The following LHFPL3 variants were observed in gnomAD, a reference collection of about 807,000 sequenced individuals.
LHFPL3 encodes the protein LHFPL tetraspan subfamily member 3.
In LHFPL3, 5 loss-of-function variants were observed where a neutral mutation model predicts 19.3. The observed-to-expected ratio is 0.26, with a 90% confidence interval of 0.14 to 0.54. The LOEUF (loss-of-function observed/expected upper bound fraction) is 0.54. LHFPL3 is among the 20% of genes least tolerant of loss of function. The pLI is 0.94. For missense variants in LHFPL3, 249 were observed against 307.4 expected (o/e 0.81, Z 1.42); for synonymous variants, 133 against 126.2 (o/e 1.05, Z -0.36).
rs368754347 is a variant in LHFPL3, at chr7:104,632,146, A to G, written c.446-104529A>G. Among the ~76,000 whole-genome samples the G allele has an allele frequency of 3.9e-5, 6 of 152,292 alleles. No individual in the cohort carries two copies. The South Asian group carries it at 8.3e-4, about 21-fold the overall frequency. On this transcript the variant is annotated intron_variant, in intron 1 of 2. Transcript: ENST00000424859. ...TGCAAAGAGACCAGGCTCAACCTTC[A>G]TATTTAGCCTATCCTTTAAATCATT...
intron 1 of LHFPL3, among the ~76,000 whole-genome samples, chr7:104,693,511 C>T (rs1349793015): frequency 6.6e-6 from 1 of 152,110 alleles, no homozygotes; most frequent in Non-Finnish European, 1.5e-5. Flanking sequence ...TTCCCCCATG[C>T]TGTTCTCATG....
chr7:104,885,093 C>T (rs2116694225), intron 2 of LHFPL3, among the ~76,000 whole-genome samples: 2 of 152,272 alleles, frequency 1.3e-5, no homozygotes, highest in South Asian at 4.1e-4. Context: ...GAAAACAGAC[C>T]CAGCCACTGA....
intron 1 of LHFPL3, among the ~76,000 whole-genome samples, chr7:104,717,309 C>T (rs1007810816): frequency 6.6e-6 from 1 of 152,042 alleles, no homozygotes; most frequent in Admixed American, 6.6e-5. Flanking sequence ...AAAAATGGGA[C>T]TACATCAAAC....
At chr7:104,750,908 A>G (rs1464350078) in intron 2 of LHFPL3, among the ~76,000 whole-genome samples, 12 of 151,720 alleles carry the variant, frequency 7.9e-5, no homozygotes, top group South Asian at 2.1e-4. Flanking sequence ...GACTAGCCCA[A>G]TGTTTTCCTT....
intron 2 of LHFPL3, among the ~76,000 whole-genome samples, chr7:104,870,736 C>T (rs1329987075): frequency 2.0e-5 from 3 of 152,160 alleles, no homozygotes; most frequent in East Asian, 3.8e-4. Context: ...CTCTGAGGTC[C>T]TGTGTGGCAT....
intron 1 of LHFPL3, among the ~76,000 whole-genome samples, chr7:104,365,815 C>T (rs1181051128): frequency 7.4e-6 from 1 of 135,156 alleles, no homozygotes; most frequent in Non-Finnish European, 1.6e-5. Flanking sequence ...AGAAAAGCCT[C>T]TTTCCAGCTA....
At chr7:104,339,594 C>T (rs1584597687) in intron 1 of LHFPL3, among the ~76,000 whole-genome samples, 1 of 152,214 alleles carries the variant, frequency 6.6e-6, no homozygotes, top group Non-Finnish European at 1.5e-5. Flanking sequence ...TCTTCTGCCT[C>T]CCAATGTAAC....
intron 1 of LHFPL3, among the ~76,000 whole-genome samples, chr7:104,452,668 C>T (rs914605040): frequency 2.0e-5 from 3 of 151,938 alleles, no homozygotes; most frequent in Admixed American, 6.6e-5. Context: ...TTCTTTCATC[C>T]TTTTATGTGT....
At chr7:104,498,077 A>G (rs917983514) in intron 1 of LHFPL3, among the ~76,000 whole-genome samples, 7 of 152,334 alleles carry the variant, frequency 4.6e-5, no homozygotes, top group Admixed American at 1.3e-4. Context: ...TTCTTTCTTA[A>G]GGCAGATCTA....
chr7:104,712,940 C>A (rs568110089), intron 1 of LHFPL3, among the ~76,000 whole-genome samples: 24 of 152,258 alleles, frequency 1.6e-4, no homozygotes, highest in South Asian at 4.1e-4. Flanking sequence ...AAAATCAAAT[C>A]CCTGTAAAGA....
intron 1 of LHFPL3, among the ~76,000 whole-genome samples, chr7:104,693,601 T>C (rs1366291459): frequency 6.6e-6 from 1 of 152,148 alleles, no homozygotes; most frequent in African/African-American, 2.4e-5. Context: ...TCTTCTCTGC[T>C]GCCCTGTGAA....
chr7:104,679,980 C>T (rs1411991387), intron 1 of LHFPL3, among the ~76,000 whole-genome samples: 2 of 152,162 alleles, frequency 1.3e-5, no homozygotes, highest in African/African-American at 4.8e-5. Flanking sequence ...CAACAAGGTT[C>T]AAATTTTTAT....
intron 1 of LHFPL3, among the ~76,000 whole-genome samples, chr7:104,425,947 A>C (rs1463056102): frequency 6.6e-6 from 1 of 152,192 alleles, no homozygotes; most frequent in East Asian, 1.9e-4. Flanking sequence ...TAAACTATAC[A>C]TAGAATCTAA....
intron 2 of LHFPL3, among the ~76,000 whole-genome samples, chr7:104,849,568 T>C (rs949634653): frequency 4.6e-5 from 7 of 152,230 alleles, no homozygotes; most frequent in Non-Finnish European, 8.8e-5. Flanking sequence ...ATAAATTTAT[T>C]TAACATGTAT....
At chr7:104,654,868 T>C (rs1343722234) in intron 1 of LHFPL3, among the ~76,000 whole-genome samples, 1 of 152,200 alleles carries the variant, frequency 6.6e-6, no homozygotes, top group Non-Finnish European at 1.5e-5. Flanking sequence ...TTGTACACCA[T>C]GTACAAACCA....
intron 2 of LHFPL3, among the ~76,000 whole-genome samples, chr7:104,824,313 ATATATATTATTTTATAT>A: frequency 4.4e-5 from 1 of 22,738 alleles, no homozygotes; most frequent in East Asian, 2.2e-3. Context: ...ATATATAATT[ATATATATTATTTTATAT>A]ATAATATATA....
chr7:104,616,324 A>T (rs2115778784), intron 1 of LHFPL3, among the ~76,000 whole-genome samples: 2 of 152,302 alleles, frequency 1.3e-5, no homozygotes, highest in Admixed American at 1.3e-4. Context: ...AGGCCTCAGA[A>T]ATAACGCCAC....
chr7:104,746,105 G>A (rs538111824), intron 2 of LHFPL3, among the ~76,000 whole-genome samples: 1 of 152,298 alleles, frequency 6.6e-6, no homozygotes, highest in Admixed American at 6.5e-5. Flanking sequence ...GAGGTCAGGA[G>A]TTTGAGACCA....
chr7:104,831,272 G>A (rs1199149764), intron 2 of LHFPL3, among the ~76,000 whole-genome samples: 1 of 151,892 alleles, frequency 6.6e-6, no homozygotes, highest in Non-Finnish European at 1.5e-5. Flanking sequence ...ATTAACCAGA[G>A]AGAGTTTTGA....
Sources: gnomAD v4.1 joint callset for allele counts (sites outside exome capture counted in the v4.1 genomes callset) on GRCh38, gnomAD v4.1.1 for gene constraint, MANE v1.5 for transcripts, NCBI Gene and HGNC (gene_info 2026-07-23, HGNC 2026-07-21) for gene names.